DPP4: variants seen among roughly 807,000 people sequenced by gnomAD.
The protein encoded by DPP4 is dipeptidyl peptidase 4, also known as ADCP-2.
In DPP4, 93 loss-of-function variants were observed where a neutral mutation model predicts 122.4. The observed-to-expected ratio is 0.76, with a 90% confidence interval of 0.64 to 0.90. The LOEUF (loss-of-function observed/expected upper bound fraction) is 0.90. Ranked by LOEUF, DPP4 falls within the 40% of genes least tolerant of loss-of-function variation. DPP4 has a pLI of 0.00. For missense variants in DPP4, 914 were observed against 907.3 expected, an observed-to-expected ratio of 1.01 and a Z score of -0.09; for synonymous variants, 321 against 302.9, an observed-to-expected ratio of 1.06 and a Z score of -0.62.
At chr2:162,037,387 G>C (rs548302338) in intron 8 of DPP4, among the ~76,000 whole-genome samples, 1 of 152,262 alleles carries the variant, frequency 6.6e-6, no homozygotes, top group Non-Finnish European at 1.5e-5. Flanking sequence ...TTCATTGTAA[G>C]TTTTAGTCAA....
chr2:162,048,097 C>A (rs1430453796), intron 2 of DPP4, among the ~76,000 whole-genome samples: 1 of 152,094 alleles, frequency 6.6e-6, no homozygotes, highest in African/African-American at 2.4e-5. Flanking sequence ...GGCTTTGGGG[C>A]CCAGTTTCAG....
Position 162,042,041 on chromosome 2 carries a change from G to A in DPP4, c.367-2857C>T, listed in dbSNP as rs528812382. The stretch of plus-strand genomic sequence containing the variant: ...TCTTTGGCTGAGGTTAGTGACAGAG[G>A]GTGACTGGGAAAGAGTAAAAGAGCA... On this transcript the variant is annotated intron_variant, in intron 5 of 25. Coordinates refer to ENST00000360534, the MANE Select transcript of DPP4 (RefSeq NM_001935.4). Among the ~76,000 whole-genome samples the A allele has an allele frequency of 4.6e-5, 7 of 152,264 alleles. No individual in the cohort carries two copies. The East Asian group carries it at 1.4e-3, about 29-fold the overall frequency.
chr2:161,998,329 T>C (rs913275014), intron 23 of DPP4, among the ~76,000 whole-genome samples: 4 of 152,228 alleles, frequency 2.6e-5, no homozygotes, highest in African/African-American at 9.6e-5. Context: ...TGCCCCCATG[T>C]GAGTCCTCTT....
At chr2:161,994,217 G>A (rs1048198864) in intron 25 of DPP4, among the ~76,000 whole-genome samples, 2 of 152,170 alleles carry the variant, frequency 1.3e-5, no homozygotes, top group Non-Finnish European at 1.5e-5. Flanking sequence ...CCAAAAGATA[G>A]CCAGTTTTTC....
intron 23 of DPP4, among the ~76,000 whole-genome samples, chr2:162,004,033 C>T (rs1382475540): frequency 6.6e-6 from 1 of 152,034 alleles, no homozygotes. Flanking sequence ...GGGGAAATGA[C>T]ATTCCACGTG....
chr2:162,003,322 G>A (rs1335305237), intron 23 of DPP4, among the ~76,000 whole-genome samples: 2 of 152,136 alleles, frequency 1.3e-5, no homozygotes, highest in African/African-American at 4.8e-5. Flanking sequence ...GGGGGAACTC[G>A]GTGGGAACGA....
intron 25 of DPP4, among the ~76,000 whole-genome samples, chr2:161,994,493 A>G (rs1279449787): frequency 6.6e-6 from 1 of 152,232 alleles, no homozygotes; most frequent in Non-Finnish European, 1.5e-5. Flanking sequence ...GTTATTCAAC[A>G]AAAGATCACC....
intron 10 of DPP4, among the ~76,000 whole-genome samples, chr2:162,026,475 G>A (rs1455492549): frequency 6.6e-6 from 1 of 152,176 alleles, no homozygotes; most frequent in African/African-American, 2.4e-5. Context: ...AACACACCAT[G>A]AGTTTCCCCA....
chr2:162,045,328 T>C (rs1353606855), intron 5 of DPP4, among the ~76,000 whole-genome samples: 1 of 152,186 alleles, frequency 6.6e-6, no homozygotes, highest in African/African-American at 2.4e-5. Context: ...CTTTCTAGTA[T>C]TTGAAAGCAC....
At position 162,039,165 on chromosome 2, in the gene DPP4, G is replaced by T; in HGVS notation, c.386C>A (p.Thr129Lys). 1 of 1,612,792 alleles carries T rather than the reference G, an allele frequency of 6.2e-7. No individual in the cohort carries two copies. Among genetic ancestry groups the T allele is most frequent in the Non-Finnish European group, 8.5e-7 (1 of 1,179,352 alleles). ...NYVKQWRHSY[T>K]ASYDIYDLNK... ...TAAATCATAAATGTCATATGAAGCTGTGTAGGAATGCCTCCATTGCTATGA... is the reference window on the plus strand; with the variant it reads ...TAAATCATAAATGTCATATGAAGCTTTGTAGGAATGCCTCCATTGCTATGA... The change falls in exon 6 of 26, where the codon ACA becomes AAA. Residue 129 changes from threonine (T) to lysine (K), a missense_variant. Physicochemically the swap from Thr to Lys is moderately conservative, Grantham distance 78 (BLOSUM62 -1). Transcript: ENST00000360534.
At chr2:162,039,277 T>A (rs1013231982) in intron 5 of DPP4, 93 bp from the exon 6 acceptor site, 2 of 1,047,718 alleles carry the variant, frequency 1.9e-6, no homozygotes, top group African/African-American at 3.2e-5. Flanking sequence ...TGGTAATATA[T>A]GATTGTATAA....
intron 13 of DPP4, 134 bp downstream of exon 13, chr2:162,020,447 T>C: frequency 1.0e-6 from 1 of 960,488 alleles, no homozygotes; most frequent in South Asian, 1.7e-5. Flanking sequence ...CATGACACAA[T>C]ACACCACTGA....
chr2:162,035,764 T>C (rs1467623338), intron 8 of DPP4, among the ~76,000 whole-genome samples: 1 of 152,082 alleles, frequency 6.6e-6, no homozygotes, highest in East Asian at 1.9e-4. Context: ...GGTGTGTAGC[T>C]CCAGGCTATC....
chr2:162,054,007 CGTG>C (rs1453505603), intron 2 of DPP4, among the ~76,000 whole-genome samples: 1 of 151,950 alleles, frequency 6.6e-6, no homozygotes, highest in East Asian at 1.9e-4. Context: ...CACCATGGGC[CGTG>C]CCCAGCAAAG....
At chr2:162,066,351 T>G (rs1684947599) in intron 2 of DPP4, among the ~76,000 whole-genome samples, 1 of 151,794 alleles carries the variant, frequency 6.6e-6, no homozygotes, top group African/African-American at 2.4e-5. Flanking sequence ...CAAACTACTA[T>G]CCACACAAGA....
chr2:162,029,425 T>A (rs1465500384), intron 10 of DPP4, among the ~76,000 whole-genome samples: 1 of 152,202 alleles, frequency 6.6e-6, no homozygotes, highest in Non-Finnish European at 1.5e-5. Flanking sequence ...TCTGCTCTGA[T>A]GGGGATGCCA....
At chr2:162,060,881 CTT>C (rs1684745482) in intron 2 of DPP4, among the ~76,000 whole-genome samples, 1 of 151,568 alleles carries the variant, frequency 6.6e-6, no homozygotes, top group Admixed American at 6.6e-5. Flanking sequence ...TTCCTTCCCT[CTT>C]TCTTTCCTTC....
At chr2:162,059,892 G>C (rs147061433) in intron 2 of DPP4, among the ~76,000 whole-genome samples, 2 of 152,142 alleles carry the variant, frequency 1.3e-5, no homozygotes, top group African/African-American at 2.4e-5. Context: ...TAATAATTAC[G>C]CATTCTTATG....
At position 162,038,982 on chromosome 2, in the gene DPP4, C is replaced by T. The variant is rs771019457; in HGVS notation, c.459G>A (p.Gln153=). 1 of 1,613,426 alleles carries T rather than the reference C, an allele frequency of 6.2e-7. No individual in the cohort carries two copies. Among genetic ancestry groups the T allele is most frequent in the South Asian group, 1.1e-5 (1 of 91,070 alleles). ...GACCCACTGGTGACCATGTGACCCA[C>T]TGTGTGTTGTTTGGAATCCTCTCTT... The part of the protein sequence containing the change: ...ITEERIPNNT[Q]WVTWSPVGHK... The change falls in exon 7 of 26, where the codon CAG becomes CAA. Residue 153 remains glutamine, a synonymous_variant. Coordinates refer to ENST00000360534, the MANE Select transcript of DPP4 (RefSeq NM_001935.4).
Sources: allele counts gnomAD v4.1 joint callset (sites outside exome capture counted in the v4.1 genomes callset), GRCh38; gene constraint gnomAD v4.1.1; transcripts MANE v1.5; gene names NCBI Gene and HGNC (gene_info 2026-07-23, HGNC 2026-07-21).